CHID1: variants seen among roughly 807,000 people sequenced by gnomAD.
CHID1 encodes chitinase domain-containing protein 1.
A neutral mutation model predicts 55.4 loss-of-function variants in CHID1; 44 were observed. The ratio of observed to expected loss-of-function variants is 0.79; its 90% CI spans 0.62 to 1.02. The LOEUF (loss-of-function observed/expected upper bound fraction) is 1.02. Among genes scored for constraint, CHID1 ranks in the 50% least tolerant of loss-of-function variants. The probability of loss-of-function intolerance (pLI) is 0.00; values close to 1 mark genes in which losing one functional copy is unlikely to be tolerated. For missense variants in CHID1, 491 were observed against 515.3 expected, an observed-to-expected ratio of 0.95 and a Z score of 0.46; for synonymous variants, 216 against 212.9, an observed-to-expected ratio of 1.01 and a Z score of -0.13.
rs118009008 is a variant in CHID1 at position 885,435 on chromosome 11, C to T, written c.702-1266G>A. On this transcript the variant is annotated intron_variant, in intron 8 of 12. Coordinates refer to ENST00000323578, the MANE Select transcript of CHID1 (RefSeq NM_023947.4). ...AGAGTCTGTCCACCCCAGGCTGTCCCGGCCTGCAGGTACGTGGAGCATCAT... is the reference window on the plus strand; with the variant it reads ...AGAGTCTGTCCACCCCAGGCTGTCCTGGCCTGCAGGTACGTGGAGCATCAT... Among the ~76,000 whole-genome samples, 89 of 152,302 alleles carry T rather than the reference C, an allele frequency of 5.8e-4. 2 individuals are homozygous for T. In the East Asian group the frequency reaches 0.014, roughly 24 times the overall value.
At chr11:910,911 G>A (rs1350099641), upstream of CHID1, 2 of 927,916 alleles carry the variant, frequency 2.2e-6, no homozygotes, top group South Asian at 2.7e-5. Flanking sequence ...GGCCAGGACA[G>A]GGGACTGGGC....
Position 869,936 on chromosome 11 carries a change from C to G in CHID1, c.1104G>C (p.Glu368Asp). Residue 368 changes from glutamate to aspartate, a missense_variant, in exon 13 of 13, where the codon GAG becomes GAC. Physicochemically the swap from Glu to Asp is conservative, Grantham distance 45. Transcript: ENST00000323578. ...CCCCAACGCCCAGCTCCCGGGCCAG[C>G]TCCAGCCGCACCTGCAGGGACTGGG... ...PTLKSLQVRL[E>D]LARELGVGVS... is the part of the protein sequence containing the mutation. The G allele has an allele frequency of 6.2e-7, 1 of 1,612,760 alleles. No homozygotes were observed. The highest frequency in any genetic ancestry group is 8.5e-7 in the Non-Finnish European group (1 of 1,179,908).
intron 10 of CHID1, among the ~76,000 whole-genome samples, chr11:878,601 G>A (rs1849675355): frequency 6.6e-6 from 1 of 151,056 alleles, no homozygotes; most frequent in African/African-American, 2.4e-5. Flanking sequence ...AAAGTACTCA[G>A]TTTCAGGTAT....
At chr11:888,787 C>T (rs1003649640) in intron 8 of CHID1, among the ~76,000 whole-genome samples, 1 of 151,824 alleles carries the variant, frequency 6.6e-6, no homozygotes, top group African/African-American at 2.4e-5. Context: ...ACACCAACGC[C>T]AGTGCCTGCC....
intron 8 of CHID1, among the ~76,000 whole-genome samples, chr11:890,856 C>T (rs911233085): frequency 1.3e-5 from 2 of 152,114 alleles, no homozygotes; most frequent in Non-Finnish European, 2.9e-5. Context: ...TGTCTGCTGA[C>T]GAAGGACACG....
intron 7 of CHID1, among the ~76,000 whole-genome samples, chr11:896,112 T>C (rs1192813197): frequency 3.5e-5 from 5 of 141,530 alleles, no homozygotes; most frequent in Non-Finnish European, 7.5e-5. Context: ...AACGAGCCTG[T>C]CTCAGTGCCC....
At chr11:876,162 G>C (rs1294841378) in intron 10 of CHID1, among the ~76,000 whole-genome samples, 1 of 152,192 alleles carries the variant, frequency 6.6e-6, no homozygotes, top group Non-Finnish European at 1.5e-5. Context: ...CAGGTGCAAG[G>C]ACAGATAAGC....
chr11:893,836 T>G (rs1277601280), intron 7 of CHID1, among the ~76,000 whole-genome samples: 1 of 149,360 alleles, frequency 6.7e-6, no homozygotes, highest in Non-Finnish European at 1.5e-5. Context: ...ACATGGCAGA[T>G]TAAAAAAAAA....
chr11:894,740 G>A (rs966400564), intron 7 of CHID1, among the ~76,000 whole-genome samples: 16 of 152,182 alleles, frequency 1.1e-4, no homozygotes, highest in African/African-American at 3.4e-4. Context: ...AGTGAGAACC[G>A]GGTTAGGTCA....
At chr11:903,444 AC>A (rs552582084) in intron 2 of CHID1, among the ~76,000 whole-genome samples, 2 of 152,142 alleles carry the variant, frequency 1.3e-5, no homozygotes, top group Non-Finnish European at 2.9e-5. Context: ...GCCACTCGAT[AC>A]CCATCCGGGC....
At chr11:914,430 G>T, upstream of CHID1, 2 of 909,812 alleles carry the variant, frequency 2.2e-6, no homozygotes, top group Non-Finnish European at 3.1e-6. Context: ...GGACAGAGTA[G>T]GGCAGGGGCA....
upstream of CHID1, chr11:911,336 G>A (rs972627970): frequency 6.6e-6 from 1 of 152,256 alleles, no homozygotes; most frequent in African/African-American, 2.4e-5. Context: ...GCGCTCTCTC[G>A]GTCCGCACCC....
chr11:886,827 T>C (rs140083035), intron 8 of CHID1, among the ~76,000 whole-genome samples: 92 of 152,330 alleles, frequency 6.0e-4, no homozygotes, highest in African/African-American at 1.9e-3. Context: ...CCAGGCAGCG[T>C]TGGCTGCGTC....
At chr11:893,159 C>T (rs1376184176) in intron 8 of CHID1, among the ~76,000 whole-genome samples, 1 of 152,208 alleles carries the variant, frequency 6.6e-6, no homozygotes, top group Non-Finnish European at 1.5e-5. Flanking sequence ...CAAGCCAGCC[C>T]TGCCTGGCCT....
chr11:885,393 T>TGA (rs944470679), intron 8 of CHID1, among the ~76,000 whole-genome samples: 4 of 152,140 alleles, frequency 2.6e-5, no homozygotes, highest in Non-Finnish European at 5.9e-5. Context: ...CTGAGCACAA[T>TGA]GAGAGGCCCA....
intron 10 of CHID1, 117 bp from the exon 11 acceptor site, chr11:870,616 C>T (rs1849110711): frequency 1.4e-6 from 1 of 717,520 alleles, no homozygotes; most frequent in African/African-American, 1.8e-5. Flanking sequence ...AGCCACTGTC[C>T]CCAGTGGTCT....
intron 10 of CHID1, among the ~76,000 whole-genome samples, chr11:879,913 G>T (rs970273692): frequency 5.9e-5 from 9 of 152,236 alleles, no homozygotes; most frequent in Non-Finnish European, 1.5e-5. Flanking sequence ...CAGGGATGTG[G>T]TAAGGTGGGG....
chr11:888,683 G>A (rs926599594), intron 8 of CHID1, among the ~76,000 whole-genome samples: 20 of 152,214 alleles, frequency 1.3e-4, no homozygotes, highest in African/African-American at 4.6e-4. Context: ...ACAGCCAGCT[G>A]CCGACCCTCC....
At chr11:896,680 C>T (rs1589875606) in intron 7 of CHID1, among the ~76,000 whole-genome samples, 1 of 138,642 alleles carries the variant, frequency 7.2e-6, no homozygotes, top group East Asian at 2.3e-4. Context: ...CCAGCCTCCA[C>T]CCCAGACATG....
Sources: allele counts gnomAD v4.1 joint callset (sites outside exome capture counted in the v4.1 genomes callset), GRCh38; gene constraint gnomAD v4.1.1; transcripts MANE v1.5; gene names NCBI Gene and HGNC (gene_info 2026-07-23, HGNC 2026-07-21).